Variants in TMEM181 observed in about 807,000 individuals in gnomAD.
The protein encoded by TMEM181 is transmembrane protein 181.
A neutral mutation model predicts 71.9 loss-of-function variants in TMEM181; 39 were observed. The observed-to-expected ratio is 0.54, with a 90% CI of 0.42 to 0.71. TMEM181 has a LOEUF of 0.71. Ranked by LOEUF, TMEM181 falls within the 30% of genes least tolerant of loss-of-function variation. The probability of loss-of-function intolerance (pLI) is 0.00; values close to 1 mark genes in which losing one functional copy is unlikely to be tolerated. For missense variants in TMEM181, 595 were observed against 583.0 expected (o/e 1.02, Z -0.21); for synonymous variants, 245 against 228.8 (o/e 1.07, Z -0.64).
chr6:158,592,137 T>G (rs1303586021), intron 6 of TMEM181, among the ~76,000 whole-genome samples: 1 of 152,176 alleles, frequency 6.6e-6, no homozygotes, highest in Non-Finnish European at 1.5e-5. Flanking sequence ...TTTTCTGCGT[T>G]TTTTGTACAT....
Position 158,631,981 on chromosome 6 carries a change from A to C in TMEM181, c.*93A>C, listed in dbSNP as rs543603083. 1.9e-5 allele frequency: 22 copies of C among 1,182,512 alleles called. No homozygotes were observed. The South Asian group carries it at 2.0e-4, about 11-fold the overall frequency. 73.3% of individuals were successfully genotyped at this position (1,182,512 alleles called of 1,614,324 possible). A position where few individuals can be genotyped will look rare whatever the true frequency, so the allele number is the denominator to read the frequency against. On this transcript the variant is annotated 3_prime_UTR_variant, in exon 17 of 17. Transcript: ENST00000684151. ...CCCCTGTTATATTCAGATTTTTCTT[A>C]CAAGCAGAGATTTCCTGTTCATTTG...
intron 12 of TMEM181, 104 bp downstream of exon 12, chr6:158,625,310 C>A: frequency 1.0e-6 from 1 of 997,530 alleles, no homozygotes. Flanking sequence ...CTTGAGGGCC[C>A]AGGGACTGGT....
At chr6:158,586,408 A>G (rs191650329) in intron 5 of TMEM181, among the ~76,000 whole-genome samples, 2 of 152,134 alleles carry the variant, frequency 1.3e-5, no homozygotes, top group East Asian at 1.9e-4. Flanking sequence ...AGTACCGTCC[A>G]CTCATTGTCT....
At chr6:158,596,079 G>A (rs1327447000) in intron 6 of TMEM181, among the ~76,000 whole-genome samples, 2 of 151,934 alleles carry the variant, frequency 1.3e-5, no homozygotes, top group African/African-American at 4.8e-5. Flanking sequence ...CCACCACCAC[G>A]CCTGGCTAAT....
chr6:158,609,826 GCAAA>G (rs745725786), intron 10 of TMEM181: 55 of 240,050 alleles, frequency 2.3e-4, no homozygotes, highest in East Asian at 3.1e-4. Flanking sequence ...GGGCATACTG[GCAAA>G]GGCTTTTGGG....
At chr6:158,544,509 C>T (rs765643969) in intron 1 of TMEM181, among the ~76,000 whole-genome samples, 3 of 152,082 alleles carry the variant, frequency 2.0e-5, no homozygotes, top group Non-Finnish European at 4.4e-5. Flanking sequence ...GGTCACGTAG[C>T]GGGCAGAAGG....
rs575868340 is a variant in TMEM181, at chr6:158,573,990, CCT to C, written c.112+468_112+469del. Among the ~76,000 whole-genome samples, 3 of 152,136 alleles carry C rather than the reference CCT, an allele frequency of 2.0e-5. No individual in the cohort carries two copies. The South Asian group carries it at 6.2e-4, about 31-fold the overall frequency. ...GCAGTGGGATCATCTAGGCCAATCC[CCT>C]TTCTCATGGATGGAGAACCTGAGAA... On this transcript the variant is annotated intron_variant, in intron 2 of 16. Coordinates refer to ENST00000684151, the MANE Select transcript of TMEM181 (RefSeq NM_001376852.1).
chr6:158,625,478 C>A (rs1786222799), intron 12 of TMEM181, among the ~76,000 whole-genome samples: 1 of 152,200 alleles, frequency 6.6e-6, no homozygotes, highest in Non-Finnish European at 1.5e-5. Flanking sequence ...GGGATCCTTT[C>A]CTGAATCTGT....
chr6:158,553,134 G>A (rs1781768696), intron 1 of TMEM181, among the ~76,000 whole-genome samples: 1 of 151,362 alleles, frequency 6.6e-6, no homozygotes, highest in African/African-American at 2.4e-5. Context: ...GCTGCTATGA[G>A]TTGTGATTGT....
In TMEM181 at chr6:158,586,993, A is replaced by C. The variant is rs544910113; in HGVS notation, c.381+1568A>C. 5.8e-4 allele frequency among the ~76,000 whole-genome samples: 88 copies of C among 152,146 alleles called. No homozygotes were observed. In the Middle Eastern group the frequency reaches 0.01, roughly 18 times the overall value. Reference sequence around the variant, plus strand: ...TGTCAGACAGGACCATGGCCCAAGAATCTGCTCTCTTCCTATCCGAGCGCC... The same window carrying C: ...TGTCAGACAGGACCATGGCCCAAGACTCTGCTCTCTTCCTATCCGAGCGCC... On this transcript the variant is annotated intron_variant, in intron 5 of 16. Coordinates refer to ENST00000684151, the MANE Select transcript of TMEM181 (RefSeq NM_001376852.1).
At chr6:158,581,063 G>T (rs371229581) in intron 3 of TMEM181, 68 bp downstream of exon 3, 1 of 1,474,498 alleles carries the variant, frequency 6.8e-7, no homozygotes, top group Non-Finnish European at 9.4e-7. Flanking sequence ...CTGAGAAATG[G>T]TTCCGCTTAG....
At chr6:158,572,340 C>T (rs898805358) in intron 1 of TMEM181, 7 of 452,296 alleles carry the variant, frequency 1.5e-5, no homozygotes, top group Middle Eastern at 3.3e-4. Flanking sequence ...GGTGGACGTG[C>T]GGCTGCCTGT....
chr6:158,557,664 C>T (rs1227559259), upstream of TMEM181, among the ~76,000 whole-genome samples: 1 of 152,122 alleles, frequency 6.6e-6, no homozygotes, highest in East Asian at 1.9e-4. Context: ...ATTACAGGCA[C>T]CCGCCATCAC....
intron 6 of TMEM181, among the ~76,000 whole-genome samples, chr6:158,601,004 A>G (rs1784638959): frequency 6.6e-6 from 1 of 152,076 alleles, no homozygotes; most frequent in Non-Finnish European, 1.5e-5. Flanking sequence ...GCGTTAGAGT[A>G]TGTTTGTTCG....
intron 5 of TMEM181, among the ~76,000 whole-genome samples, chr6:158,589,311 G>A (rs778580751): frequency 2.2e-4 from 33 of 152,192 alleles, no homozygotes; most frequent in Non-Finnish European, 4.4e-4. Context: ...TTAGGCCGCG[G>A]CATCTGCATT....
intron 10 of TMEM181, among the ~76,000 whole-genome samples, chr6:158,613,250 C>G (rs1583035663): frequency 1.3e-5 from 2 of 152,114 alleles, no homozygotes; most frequent in Admixed American, 6.5e-5. Context: ...TTTTTGAAAC[C>G]TAATTTTCTC....
intron 1 of TMEM181, among the ~76,000 whole-genome samples, chr6:158,551,727 G>A (rs569529534): frequency 2.0e-5 from 3 of 152,044 alleles, no homozygotes; most frequent in South Asian, 2.1e-4. Context: ...AACATAACAC[G>A]TAAAATATGA....
intron 1 of TMEM181, among the ~76,000 whole-genome samples, chr6:158,548,378 G>A: frequency 6.6e-6 from 1 of 152,178 alleles, no homozygotes. Context: ...TTCTTTAAAT[G>A]TTGAGATAAT....
At chr6:158,568,429 C>A (rs142898636) in intron 1 of TMEM181, among the ~76,000 whole-genome samples, 1 of 151,622 alleles carries the variant, frequency 6.6e-6, no homozygotes, top group South Asian at 2.1e-4. Context: ...AGGACTGGTG[C>A]GAGGGGTGGC....
Sources: allele counts gnomAD v4.1 joint callset (sites outside exome capture counted in the v4.1 genomes callset), GRCh38; gene constraint gnomAD v4.1.1; transcripts MANE v1.5; gene names NCBI Gene and HGNC (gene_info 2026-07-23, HGNC 2026-07-21).